ZNF782: variants seen among roughly 807,000 people sequenced by gnomAD.
ZNF782 encodes the protein zinc finger protein 782.
ZNF782 carries 12 observed loss-of-function variants against 13.0 expected under a neutral mutation model. The observed-to-expected ratio is 0.92, with a 90% CI of 0.59 to 1.50. The LOEUF (loss-of-function observed/expected upper bound fraction) is 1.50, where lower values mean the gene tolerates loss of function less well. ZNF782 is among the 40% of genes most tolerant of loss of function. The pLI, the probability that ZNF782 is intolerant of heterozygous loss-of-function variation, is 0.00. For synonymous variants in ZNF782, 284 were observed against 283.0 expected (o/e 1.00, Z -0.04); for missense variants, 770 against 822.9 (o/e 0.94, Z 0.79).
chr9:96,829,978 A>C (rs1850745352), intron 4 of ZNF782, among the ~76,000 whole-genome samples: 1 of 152,186 alleles, frequency 6.6e-6, no homozygotes, highest in Non-Finnish European at 1.5e-5. Context: ...TCAGGACTCA[A>C]GGAATGACAA....
chr9:96,819,441 T>A lies in ZNF782; in HGVS notation c.582A>T (p.Lys194Asn), dbSNP rs777796627. The change falls in exon 6 of 6, where the codon AAA (lysine) becomes AAT (asparagine). Residue 194 changes from lysine (K) to asparagine (N), a missense_variant. By Grantham distance (94) the Lys-to-Asn change is moderately conservative (BLOSUM62 0). Coordinates refer to ENST00000481138, the MANE Select transcript of ZNF782 (RefSeq NM_001001662.3). ...EKSFAYSKIV[K>N]TLHHKEEVIQ... ...TAACTTCCTCCTTATGATGGAGGGTTTTCACAATTTTACTATAAGCGAAAG... is the reference window on the plus strand; with the variant it reads ...TAACTTCCTCCTTATGATGGAGGGTATTCACAATTTTACTATAAGCGAAAG... 2 of 1,613,870 alleles carry A rather than the reference T, an allele frequency of 1.2e-6. No individual in the cohort carries two copies. Among genetic ancestry groups the A allele is most frequent in the Non-Finnish European group, 1.7e-6 (2 of 1,179,960 alleles).
At chr9:96,845,114 A>C in intron 3 of ZNF782, 98 bp from the exon 4 acceptor site, 1 of 1,463,584 alleles carries the variant, frequency 6.8e-7, no homozygotes, top group Non-Finnish European at 9.3e-7. Flanking sequence ...TGAGAATTTA[A>C]AACAAAATGC....
rs554191083 is a variant in ZNF782, at chr9:96,852,368, T to C, written c.-44-363A>G. Among the ~76,000 whole-genome samples, 16 of 152,330 alleles carry C rather than the reference T, an allele frequency of 1.1e-4. No homozygotes were observed. In the East Asian group the frequency reaches 3.1e-3, roughly 29 times the overall value. ...TCATTAAAATTAACCTAGCAGGTAC[T>C]GTGGTTCAAGCCTGTAACCCCAGCA... On this transcript the variant is annotated intron_variant, in intron 2 of 5. Transcript: ENST00000481138.
At chr9:96,932,840 G>A in the ZNF782 span, among the ~76,000 whole-genome samples, 1 of 151,450 alleles carries the variant, frequency 6.6e-6, no homozygotes, top group Admixed American at 6.6e-5. Context: ...GTAGAGATGG[G>A]GTTTCTCCAT....
chr9:96,839,268 T>C (rs1433349211), intron 4 of ZNF782, among the ~76,000 whole-genome samples: 1 of 146,116 alleles, frequency 6.8e-6, no homozygotes, highest in African/African-American at 2.7e-5. Context: ...AAGCAGGCTT[T>C]ACTTGGGACT....
the ZNF782 span, among the ~76,000 whole-genome samples, chr9:96,907,884 GCCCAC>G: frequency 2.0e-5 from 3 of 151,604 alleles, no homozygotes; most frequent in Non-Finnish European, 2.9e-5. Flanking sequence ...CAGGTGATCT[GCCCAC>G]CTTGGCCTCC....
intron 4 of ZNF782, among the ~76,000 whole-genome samples, chr9:96,840,740 G>T (rs907344239): frequency 6.6e-6 from 1 of 152,040 alleles, no homozygotes. Context: ...AACCCGATAT[G>T]CAATTTGCAT....
chr9:96,926,424 T>C, the ZNF782 span, among the ~76,000 whole-genome samples: 3 of 152,274 alleles, frequency 2.0e-5, no homozygotes, highest in African/African-American at 7.2e-5. Flanking sequence ...TTTGCTTGAA[T>C]TGCTCTCCGT....
At chr9:96,926,395 T>C in the ZNF782 span, among the ~76,000 whole-genome samples, 144 of 152,358 alleles carry the variant, frequency 9.5e-4, no homozygotes, top group African/African-American at 3.4e-3. Flanking sequence ...TGGTTTGGTT[T>C]TGGTAAGTTT....
At chr9:96,887,336 A>AGGAAGGAAGGAAGGAAGGAC in the ZNF782 span, 28 of 146,218 alleles carry the variant, frequency 1.9e-4, no homozygotes, top group African/African-American at 6.2e-4. Flanking sequence ...GAAGGAAGGA[A>AGGAAGGAAGGAAGGAAGGAC]GGAAGAAAGA....
rs560451590 is a variant in ZNF782 at position 96,819,456 on chromosome 9, A to G, written c.567T>C (p.Tyr189=). The change falls in exon 6 of 6, where the codon TAT becomes TAC. Residue 189 remains tyrosine, a synonymous_variant. Transcript: ENST00000481138. The part of the protein sequence containing the change: ...RTNTQEKSFA[Y]SKIVKTLHHK... The stretch of plus-strand genomic sequence containing the variant: ...GATGGAGGGTTTTCACAATTTTACT[A>G]TAAGCGAAAGATTTCTCTTGAGTGT... The G allele has an allele frequency of 8.1e-6, 13 of 1,613,994 alleles. 1 individual carries two copies. The South Asian group carries it at 1.2e-4, about 15-fold the overall frequency.
At position 96,850,844 on chromosome 9, in the gene ZNF782, C is replaced by T. The variant is rs774392602; in HGVS notation, c.15+1103G>A. On this transcript the variant is annotated intron_variant, in intron 3 of 5. Transcript: ENST00000481138. This position sits in a 1 kb window ranked among gnomAD's most constrained non-coding sequence, Gnocchi z 4.3. ...GAATCTTAGTTGAAAATTTCAAATACGTTTTGTATTAAAATTGAAAAATCT... is the reference window on the plus strand; with the variant it reads ...GAATCTTAGTTGAAAATTTCAAATATGTTTTGTATTAAAATTGAAAAATCT... Among the ~76,000 whole-genome samples, 4 of 152,012 alleles carry T rather than the reference C, an allele frequency of 2.6e-5. No homozygotes were observed. Among genetic ancestry groups the T allele is most frequent in the African/African-American group, 7.2e-5 (3 of 41,408 alleles).
At position 96,817,790 on chromosome 9, in the gene ZNF782, T is replaced by C. The variant is rs1426549350; in HGVS notation, c.*133A>G. ...CAATTTATCTTCTATTCTTTGATATTTGGTGGAGGCTGAAATTGTAGAGGA... is the reference window on the plus strand; with the variant it reads ...CAATTTATCTTCTATTCTTTGATATCTGGTGGAGGCTGAAATTGTAGAGGA... On this transcript the variant is annotated 3_prime_UTR_variant, in exon 6 of 6. Transcript: ENST00000481138. 5.4e-6 allele frequency: 4 copies of C among 740,326 alleles called. No homozygotes were observed. The highest frequency in any genetic ancestry group is 3.5e-5 in the Admixed American group (1 of 28,892). The allele number at this position is 740,326 out of a possible 1,614,324, so 45.9% of individuals were successfully genotyped here. A position where few individuals can be genotyped will look rare whatever the true frequency, so the allele number is the denominator to read the frequency against.
At chr9:96,896,863 A>C in the ZNF782 span, among the ~76,000 whole-genome samples, 1 of 152,224 alleles carries the variant, frequency 6.6e-6, no homozygotes, top group Non-Finnish European at 1.5e-5. Context: ...TCTACAGGCA[A>C]ATCAGTGTGG....
chr9:96,913,706 G>A, the ZNF782 span, among the ~76,000 whole-genome samples: 1 of 151,858 alleles, frequency 6.6e-6, no homozygotes, highest in South Asian at 2.1e-4. Context: ...TAATTTTTTA[G>A]TAGAGACAGA....
intron 5 of ZNF782, among the ~76,000 whole-genome samples, chr9:96,820,658 T>A (rs1401329031): frequency 6.6e-6 from 1 of 151,938 alleles, no homozygotes; most frequent in African/African-American, 2.4e-5. Context: ...CAAGTGATTC[T>A]CCTGTCTCAG....
the ZNF782 span, chr9:96,909,935 G>A: frequency 1.6e-5 from 6 of 387,000 alleles, no homozygotes; most frequent in South Asian, 1.3e-4. Context: ...GCTCTGAAAA[G>A]CCATCTTTGC....
upstream of ZNF782, among the ~76,000 whole-genome samples, chr9:96,878,515 A>G (rs1374030957): frequency 6.6e-6 from 1 of 152,220 alleles, no homozygotes; most frequent in Non-Finnish European, 1.5e-5. Context: ...CTAACTCTGC[A>G]CTTTAGGCTA....
the ZNF782 span, among the ~76,000 whole-genome samples, chr9:96,928,113 G>A: frequency 6.6e-6 from 1 of 151,508 alleles, no homozygotes; most frequent in Non-Finnish European, 1.5e-5. Context: ...AGAGGTGGGA[G>A]GAAGGCTGGT....
Sources: allele counts gnomAD v4.1 joint callset (sites outside exome capture counted in the v4.1 genomes callset), GRCh38; gene constraint gnomAD v4.1.1; non-coding constraint Gnocchi (gnomAD v3.1); transcripts MANE v1.5; gene names NCBI Gene and HGNC (gene_info 2026-07-23, HGNC 2026-07-21).